Variants in TMEM114 observed in about 807,000 individuals in gnomAD.
The protein encoded by TMEM114 is claudin-26.
TMEM114 carries 6 observed loss-of-function variants against 6.2 expected under a neutral mutation model. That is an observed-to-expected ratio of 0.97 (90% CI 0.53 to 1.91). The LOEUF (loss-of-function observed/expected upper bound fraction) is 1.91. TMEM114 is among the 40% of genes most tolerant of loss of function. The pLI is 0.01. For missense variants in TMEM114, 218 were observed against 158.3 expected (o/e 1.38, Z -2.02); for synonymous variants, 104 against 73.0 (o/e 1.42, Z -2.16).
At chr16:8,565,085 GTAAATTAATGAC>G (rs1363710189), downstream of TMEM114, among the ~76,000 whole-genome samples, 15 of 133,946 alleles carry the variant, frequency 1.1e-4, no homozygotes, top group Admixed American at 3.8e-4. Context: ...GAGTGAATGA[GTAAATTAATGAC>G]TGAGTGAATA....
intron 2 of TMEM114, among the ~76,000 whole-genome samples, chr16:8,544,943 C>T: frequency 8.4e-6 from 1 of 119,190 alleles, no homozygotes; most frequent in Non-Finnish European, 1.7e-5. Context: ...TCTCTCTCTC[C>T]ACCTCCCCCC....
chr16:8,546,855 G>C (rs1900683609), intron 2 of TMEM114, among the ~76,000 whole-genome samples: 1 of 152,192 alleles, frequency 6.6e-6, no homozygotes. Flanking sequence ...CGCAAGTGAT[G>C]CTGGCTGACT....
At chr16:8,569,432 G>A (rs1473889604), downstream of TMEM114, 2 of 1,114,414 alleles carry the variant, frequency 1.8e-6, no homozygotes, top group East Asian at 1.2e-4. Flanking sequence ...GCTGATCCAA[G>A]GGACATGGGT....
chr16:8,569,660 G>T lies in TMEM114; in HGVS notation c.*113C>A. ...GGATTTGTGGGGGAAGGAGGGGGGT[G>T]CCTGGCCTCCCCGAGTGGCCTTTGA... On this transcript the variant is annotated 3_prime_UTR_variant, in exon 4 of 4. Coordinates refer to ENST00000620492, the MANE Select transcript of TMEM114 (RefSeq NM_001146336.2). 1 of 1,443,254 alleles carries T rather than the reference G, an allele frequency of 6.9e-7. No homozygotes were observed. Among genetic ancestry groups the T allele is most frequent in the Middle Eastern group, 2.5e-4 (1 of 3,960 alleles). 89.4% of individuals were successfully genotyped at this position (1,443,254 alleles called of 1,614,324 possible).
intron 2 of TMEM114, among the ~76,000 whole-genome samples, chr16:8,544,870 TA>T (rs2141652568): frequency 6.6e-6 from 1 of 152,160 alleles, no homozygotes; most frequent in African/African-American, 2.4e-5. Flanking sequence ...GAGATATAAA[TA>T]AAATATGAAT....
chr16:8,572,363 T>C, intron 2 of TMEM114, 139 bp from the exon 3 acceptor site: 1 of 875,168 alleles, frequency 1.1e-6, no homozygotes, highest in Non-Finnish European at 1.8e-6. Context: ...ACTTCTACTG[T>C]TTCTGATGAT....
At chr16:8,540,169 A>T (rs74250585) in intron 2 of TMEM114, among the ~76,000 whole-genome samples, 1 of 152,156 alleles carries the variant, frequency 6.6e-6, no homozygotes, top group African/African-American at 2.4e-5. Flanking sequence ...TCATTCAAAC[A>T]TCAGGTTATT....
At chr16:8,545,486 AC>A (rs1225669019) in intron 2 of TMEM114, among the ~76,000 whole-genome samples, 1 of 151,960 alleles carries the variant, frequency 6.6e-6, no homozygotes, top group Non-Finnish European at 1.5e-5. Flanking sequence ...CATCATCATC[AC>A]CTATTGCTAT....
intron 2 of TMEM114, among the ~76,000 whole-genome samples, chr16:8,564,264 A>AGTTAG (rs1437293333): frequency 1.9e-4 from 2 of 10,756 alleles, no homozygotes; most frequent in African/African-American, 4.7e-4. Flanking sequence ...TGAATGAGTG[A>AGTTAG]TGAAATAAGT....
Position 8,562,568 on chromosome 16 carries a change from GTGAA to G in TMEM114, n.213-24746_213-24743del, listed in dbSNP as rs1901288811. Among the ~76,000 whole-genome samples the G allele has an allele frequency of 7.3e-5, 11 of 150,404 alleles. No homozygotes were observed. In the East Asian group the frequency reaches 2.2e-3, roughly 30 times the overall value. On this transcript the variant is annotated intron_variant and non_coding_transcript_variant, in intron 2 of 2. Transcript: ENST00000623677. The stretch of plus-strand genomic sequence containing the variant: ...AATGAGTGAGTGCGTCAATGAGTGA[GTGAA>G]TGAGTGAGGAAATAAGTAAGTGAAT...
intron 2 of TMEM114, among the ~76,000 whole-genome samples, chr16:8,557,797 A>T (rs1162339493): frequency 2.6e-5 from 4 of 152,248 alleles, no homozygotes; most frequent in Admixed American, 6.5e-5. Context: ...AAGCGCCATC[A>T]TCATCTGGTA....
chr16:8,535,404 C>T (rs551107949), downstream of TMEM114, among the ~76,000 whole-genome samples: 8 of 151,590 alleles, frequency 5.3e-5, no homozygotes, highest in Non-Finnish European at 8.8e-5. Flanking sequence ...AGAGCTTCAT[C>T]GGGATTTTTT....
chr16:8,544,580 T>G (rs1235565917), intron 2 of TMEM114, among the ~76,000 whole-genome samples: 1 of 152,184 alleles, frequency 6.6e-6, no homozygotes, highest in Non-Finnish European at 1.5e-5. Flanking sequence ...TGAGGAATGA[T>G]AGCTCATAAG....
intron 2 of TMEM114, among the ~76,000 whole-genome samples, chr16:8,562,793 TGA>T (rs1258381736): frequency 6.7e-6 from 1 of 150,332 alleles, no homozygotes; most frequent in East Asian, 2.0e-4. Context: ...AATGAGTAAG[TGA>T]GTGAATGAGT....
intron 2 of TMEM114, among the ~76,000 whole-genome samples, chr16:8,559,705 T>G (rs1212434547): frequency 6.6e-6 from 1 of 152,024 alleles, no homozygotes; most frequent in Non-Finnish European, 1.5e-5. Context: ...TCTAACAGAA[T>G]CCCCATGCCA....
chr16:8,547,017 T>C (rs921320079), intron 2 of TMEM114, among the ~76,000 whole-genome samples: 1 of 152,234 alleles, frequency 6.6e-6, no homozygotes, highest in African/African-American at 2.4e-5. Context: ...AAAATACTTG[T>C]ATGTACAAGA....
chr16:8,569,798 C>G lies in TMEM114; in HGVS notation c.647G>C (p.Arg216Thr). Residue 216 changes from arginine to threonine, a missense_variant, in exon 4 of 4, where the codon AGA becomes ACA. Physicochemically the swap from Arg to Thr is moderately conservative, Grantham distance 71. Coordinates refer to ENST00000620492, the MANE Select transcript of TMEM114 (RefSeq NM_001146336.2). ...TCATATGGCCTGGTCCTGCCTCCGT[C>G]TCAGGCTGAGCTCGCGGGCTGCTGC... ...FLAAARELSL[R>T]RRQDQAI 1 of 1,550,768 alleles carries G rather than the reference C, an allele frequency of 6.4e-7. No individual in the cohort carries two copies. Among genetic ancestry groups the G allele is most frequent in the Non-Finnish European group, 8.7e-7 (1 of 1,146,916 alleles).
chr16:8,527,371 T>C, the TMEM114 span, among the ~76,000 whole-genome samples: 1 of 152,170 alleles, frequency 6.6e-6, no homozygotes, highest in African/African-American at 2.4e-5. Flanking sequence ...CAAATTCAAA[T>C]CCTGCCTCTG....
chr16:8,575,632 G>A (rs147795327), intron 2 of TMEM114, among the ~76,000 whole-genome samples: 78 of 152,278 alleles, frequency 5.1e-4, no homozygotes, highest in African/African-American at 1.8e-3. Flanking sequence ...CTGTAGGCAA[G>A]TTACTTTATA....
Sources: gnomAD v4.1 joint callset for allele counts (sites outside exome capture counted in the v4.1 genomes callset) on GRCh38, gnomAD v4.1.1 for gene constraint, MANE v1.5 for transcripts, NCBI Gene and HGNC (gene_info 2026-07-23, HGNC 2026-07-21) for gene names.